Variants in FGF14 observed in about 807,000 individuals in gnomAD.
The protein encoded by FGF14 is fibroblast growth factor 14, also known as fibroblast growth factor homologous factor 4.
In FGF14, 5 loss-of-function variants were observed where a neutral mutation model predicts 25.5. The observed-to-expected ratio is 0.20, with a 90% confidence interval of 0.10 to 0.41. The LOEUF is 0.41. Ranked by LOEUF, FGF14 falls within the 10% of genes least tolerant of loss-of-function variation. The pLI is 1.00. For missense variants in FGF14, 222 were observed against 320.1 expected (o/e 0.69, Z 2.34); for synonymous variants, 138 against 118.3 (o/e 1.17, Z -1.08).
At chr13:102,254,534 C>T (rs968620200) in intron 1 of FGF14, among the ~76,000 whole-genome samples, 3 of 152,116 alleles carry the variant, frequency 2.0e-5, no homozygotes, top group African/African-American at 7.2e-5. Context: ...TTCTGATGGC[C>T]AGAAGCCCCT....
At chr13:102,276,903 G>T (rs1268428069) in intron 1 of FGF14, among the ~76,000 whole-genome samples, 2 of 152,156 alleles carry the variant, frequency 1.3e-5, no homozygotes, top group Non-Finnish European at 2.9e-5. Flanking sequence ...TATGTTCACA[G>T]GTATCTGTGC....
intron 1 of FGF14, among the ~76,000 whole-genome samples, chr13:102,078,820 T>C (rs1339866187): frequency 6.6e-6 from 1 of 152,226 alleles, no homozygotes; most frequent in Non-Finnish European, 1.5e-5. Context: ...CAAAGAGTTT[T>C]AAGGAAGAAT....
intron 1 of FGF14, among the ~76,000 whole-genome samples, chr13:102,105,321 T>C (rs572312043): frequency 5.1e-4 from 78 of 152,340 alleles, no homozygotes; most frequent in African/African-American, 1.9e-3. Flanking sequence ...ATTAAGTAGG[T>C]CTAGAGAAAT....
chr13:102,126,716 T>C (rs2045963876), intron 1 of FGF14, among the ~76,000 whole-genome samples: 2 of 152,214 alleles, frequency 1.3e-5, no homozygotes, highest in Non-Finnish European at 2.9e-5. Flanking sequence ...AGTAATCTTT[T>C]AATAAAAGTA....
chr13:102,151,813 A>C lies in FGF14; in HGVS notation c.208+249658T>G, dbSNP rs185658054. Among the ~76,000 whole-genome samples the C allele has an allele frequency of 5.5e-3, 834 of 152,276 alleles. 29 individuals are homozygous for C. The highest frequency in any genetic ancestry group is 0.05 in the Admixed American group (770 of 15,290). The stretch of plus-strand genomic sequence containing the variant: ...ATACCCGACCTCCATTTTTACCTTC[A>C]AGTAAACAGTCCATGTAAAATAATG... On this transcript the variant is annotated intron_variant, in intron 1 of 4. Transcript: ENST00000376131.
At chr13:102,215,982 G>T (rs567556280) in intron 1 of FGF14, among the ~76,000 whole-genome samples, 1 of 152,282 alleles carries the variant, frequency 6.6e-6, no homozygotes, top group South Asian at 2.1e-4. Flanking sequence ...CCAGAAATGT[G>T]AAATGGATCC....
intron 1 of FGF14, among the ~76,000 whole-genome samples, chr13:102,247,878 G>GTA (rs1442582199): frequency 1.3e-5 from 2 of 152,212 alleles, no homozygotes; most frequent in South Asian, 2.1e-4. Flanking sequence ...AGAAAATGTG[G>GTA]TATATATATC....
exon 1 of FGF14, chr13:102,401,558 A>G: frequency 6.2e-7 from 1 of 1,614,208 alleles, no homozygotes; most frequent in Non-Finnish European, 8.5e-7. Flanking sequence ...CAAAGAAACC[A>G]CATTGATTTG....
At chr13:101,807,855 T>G (rs2041286044) in intron 3 of FGF14, among the ~76,000 whole-genome samples, 2 of 152,058 alleles carry the variant, frequency 1.3e-5, no homozygotes, top group South Asian at 4.1e-4. Context: ...ATAACTTCTA[T>G]AATAACATGT....
intron 1 of FGF14, among the ~76,000 whole-genome samples, chr13:101,962,091 C>T (rs1000685206): frequency 6.6e-6 from 1 of 151,946 alleles, no homozygotes; most frequent in African/African-American, 2.4e-5. Context: ...GGTTTTAATT[C>T]TGTGAAGAAT....
chr13:102,230,792 T>C (rs1331632002), intron 1 of FGF14, among the ~76,000 whole-genome samples: 1 of 152,182 alleles, frequency 6.6e-6, no homozygotes, highest in Non-Finnish European at 1.5e-5. Context: ...ATAATACCTG[T>C]AAAGAGCATT....
chr13:102,198,879 GT>G (rs2049488238), intron 1 of FGF14, among the ~76,000 whole-genome samples: 2 of 152,138 alleles, frequency 1.3e-5, no homozygotes, highest in Non-Finnish European at 1.5e-5. Context: ...GGGATTAAAT[GT>G]TTAAGTTCCT....
chr13:102,218,260 T>C (rs12872647), intron 1 of FGF14, among the ~76,000 whole-genome samples: 51,501 of 151,734 alleles, frequency 0.34, 9,048 homozygotes, highest in Middle Eastern at 0.39. Flanking sequence ...AGAAGTTTCC[T>C]TCCATCTGAT....
intron 1 of FGF14, among the ~76,000 whole-genome samples, chr13:102,338,744 T>C (rs2056861591): frequency 6.6e-6 from 1 of 152,156 alleles, no homozygotes; most frequent in Non-Finnish European, 1.5e-5. Context: ...CCAGGTGCCA[T>C]GGCTTATGCC....
intron 1 of FGF14, among the ~76,000 whole-genome samples, chr13:101,899,413 T>C (rs1247166237): frequency 6.6e-6 from 1 of 151,858 alleles, no homozygotes; most frequent in East Asian, 1.9e-4. Flanking sequence ...GATGGAGATA[T>C]AACCAAAGAA....
chr13:102,266,898 AAAC>A (rs1356006627), intron 1 of FGF14, among the ~76,000 whole-genome samples: 3 of 152,156 alleles, frequency 2.0e-5, no homozygotes, highest in African/African-American at 7.2e-5. Context: ...TGGAGACAGA[AAAC>A]AATAGTTACA....
At chr13:101,829,687 G>T (rs1246587915) in intron 3 of FGF14, among the ~76,000 whole-genome samples, 2 of 152,066 alleles carry the variant, frequency 1.3e-5, no homozygotes, top group East Asian at 1.9e-4. Context: ...AGAGTTGGAA[G>T]AATTTCAGAA....
chr13:102,030,108 T>G (rs2041136991), intron 1 of FGF14, among the ~76,000 whole-genome samples: 1 of 152,110 alleles, frequency 6.6e-6, no homozygotes, highest in African/African-American at 2.4e-5. Flanking sequence ...GATTTTTCAT[T>G]TATAATACCA....
At chr13:101,880,480 T>C (rs1348322458) in intron 1 of FGF14, among the ~76,000 whole-genome samples, 1 of 152,124 alleles carries the variant, frequency 6.6e-6, no homozygotes, top group Non-Finnish European at 1.5e-5. Context: ...GGCATGAGAA[T>C]CGCTTGAACC....
Sources: gnomAD v4.1 joint callset for allele counts (sites outside exome capture counted in the v4.1 genomes callset) on GRCh38, gnomAD v4.1.1 for gene constraint, MANE v1.5 for transcripts, NCBI Gene and HGNC (gene_info 2026-07-23, HGNC 2026-07-21) for gene names.